The following ADAM22 variants were observed in gnomAD, a reference collection of about 807,000 sequenced individuals.
ADAM22 encodes the protein disintegrin and metalloproteinase domain-containing protein 22.
In ADAM22, 65 loss-of-function variants were observed where a neutral mutation model predicts 144.6. The ratio of observed to expected loss-of-function variants is 0.45; its 90% CI spans 0.37 to 0.55. The LOEUF (loss-of-function observed/expected upper bound fraction) is 0.55, where lower values mean the gene tolerates loss of function less well. ADAM22 is among the 20% of genes least tolerant of loss of function. The pLI is 0.00. For missense variants in ADAM22, 974 were observed against 1,184.9 expected (o/e 0.82, Z 2.61); for synonymous variants, 391 against 412.6 (o/e 0.95, Z 0.63).
intron 4 of ADAM22, among the ~76,000 whole-genome samples, chr7:88,095,718 T>C (rs984828355): frequency 2.4e-4 from 36 of 152,192 alleles, no homozygotes; most frequent in Admixed American, 2.4e-3. Flanking sequence ...TGTTAAAAAT[T>C]GTATAAAATA....
At chr7:88,070,831 T>C (rs1812544571) in intron 3 of ADAM22, among the ~76,000 whole-genome samples, 1 of 152,178 alleles carries the variant, frequency 6.6e-6, no homozygotes, top group Non-Finnish European at 1.5e-5. Context: ...TGAGGTAGTC[T>C]TGTTTTCATT....
At position 88,006,417 on chromosome 7, in the gene ADAM22, C is replaced by T. The variant is rs1436532838; in HGVS notation, c.323+28005C>T. 3.3e-5 allele frequency among the ~76,000 whole-genome samples: 5 copies of T among 152,072 alleles called. No homozygotes were observed. The East Asian group carries it at 7.8e-4, about 24-fold the overall frequency. On this transcript the variant is annotated intron_variant, in intron 3 of 31. Transcript: ENST00000413139. ...CTCATTTTATGAGGCCAGCATCATC[C>T]TGATACCAAAGCTGGGCAGAGACAC...
Position 88,024,576 on chromosome 7 carries a change from G to C in ADAM22, c.323+46164G>C, listed in dbSNP as rs1798556339. Among the ~76,000 whole-genome samples the C allele has an allele frequency of 2.6e-5, 4 of 151,556 alleles. 1 individual carries two copies. In the South Asian group the frequency reaches 8.3e-4, roughly 32 times the overall value. ...TTCTTTTTTTTAAATTATACTTTAA[G>C]TTTTAGGGTACATGTGCACAACGTG... On this transcript the variant is annotated intron_variant, in intron 3 of 31. Coordinates refer to ENST00000413139, the MANE Select transcript of ADAM22 (RefSeq NM_001324418.2).
intron 3 of ADAM22, among the ~76,000 whole-genome samples, chr7:88,011,863 C>T (rs1795511913): frequency 6.6e-6 from 1 of 151,914 alleles, no homozygotes; most frequent in African/African-American, 2.4e-5. Flanking sequence ...GTTCTCTGAG[C>T]TTCCTGGATC....
chr7:87,994,508 G>A (rs1790662347), intron 3 of ADAM22, among the ~76,000 whole-genome samples: 2 of 152,144 alleles, frequency 1.3e-5, no homozygotes, highest in South Asian at 4.1e-4. Flanking sequence ...AGATCTGATA[G>A]CCTTGTTGTC....
At position 87,934,374 on chromosome 7, in the gene ADAM22, G is replaced by A; in HGVS notation, c.-92G>A. ...CGGGGCTGGGTGGAGGTGGCCGCGGGGACCCCGGGGGCGCGGAGCGAGGGA... is the reference window on the plus strand; with the variant it reads ...CGGGGCTGGGTGGAGGTGGCCGCGGAGACCCCGGGGGCGCGGAGCGAGGGA... On this transcript the variant is annotated 5_prime_UTR_variant, in exon 1 of 32. Transcript: ENST00000413139. 2 of 1,309,422 alleles carry A rather than the reference G, an allele frequency of 1.5e-6. No individual in the cohort carries two copies. The highest frequency in any genetic ancestry group is 1.4e-5 in the South Asian group (1 of 73,906). 81.1% of individuals were successfully genotyped at this position (1,309,422 alleles called of 1,614,324 possible).
chr7:88,078,808 AAAG>A (rs1402982029), intron 4 of ADAM22, among the ~76,000 whole-genome samples: 5 of 152,204 alleles, frequency 3.3e-5, no homozygotes, highest in Non-Finnish European at 7.3e-5. Context: ...AAAAGAATAA[AAAG>A]AAATGAGCAA....
chr7:88,082,537 A>C (rs191864998), intron 4 of ADAM22, among the ~76,000 whole-genome samples: 1 of 152,208 alleles, frequency 6.6e-6, no homozygotes, highest in Non-Finnish European at 1.5e-5. Context: ...AACCACCATC[A>C]GAGTGAACAG....
At chr7:88,152,648 C>T (rs543663093) in intron 20 of ADAM22, among the ~76,000 whole-genome samples, 1 of 151,874 alleles carries the variant, frequency 6.6e-6, no homozygotes, top group South Asian at 2.1e-4. Context: ...TTTGTTATTG[C>T]CTTCCCTAAT....
chr7:88,021,163 C>G (rs1209583129), intron 3 of ADAM22, among the ~76,000 whole-genome samples: 1 of 152,214 alleles, frequency 6.6e-6, no homozygotes, highest in South Asian at 2.1e-4. Flanking sequence ...AGGTCAGCCT[C>G]TTGGGGCACA....
In ADAM22 at chr7:88,130,723, C is replaced by T. The variant is rs150377211; in HGVS notation, c.825+264C>T. On this transcript the variant is annotated intron_variant, in intron 10 of 31. Coordinates refer to ENST00000413139, the MANE Select transcript of ADAM22 (RefSeq NM_001324418.2). ...GTAAAAACAAAGGTTGTGTCATACC[C>T]CTAACAAAGGTATTCACAGTGACTT... Among the ~76,000 whole-genome samples the T allele has an allele frequency of 1.2e-3, 190 of 152,186 alleles. 2 individuals are homozygous for T. The highest frequency in any genetic ancestry group is 4.3e-3 in the African/African-American group (180 of 41,526).
At chr7:88,168,971 C>A (rs549965196) in intron 25 of ADAM22, among the ~76,000 whole-genome samples, 6 of 152,100 alleles carry the variant, frequency 3.9e-5, no homozygotes, top group Admixed American at 6.6e-5. Context: ...AGACATTTAC[C>A]CCATGCCTTT....
At chr7:88,024,117 A>G (rs1798450757) in intron 3 of ADAM22, among the ~76,000 whole-genome samples, 1 of 152,114 alleles carries the variant, frequency 6.6e-6, no homozygotes, top group Non-Finnish European at 1.5e-5. Flanking sequence ...GATTGCTTCC[A>G]AATCTTGGCT....
chr7:88,181,987 A>G lies in ADAM22; in HGVS notation c.2626A>G (p.Arg876Gly), dbSNP rs758582494. Residue 876 changes from arginine (R) to glycine (G), a missense_variant, in exon 29 of 32, where the codon AGA becomes GGA. This residue lies in a region of ADAM22 where 734 missense variants were observed against 950.6 expected (regional missense o/e 0.77). Coordinates refer to ENST00000413139, the MANE Select transcript of ADAM22 (RefSeq NM_001324418.2). The part of the protein sequence containing the change: ...GNLGGNKKKI[R>G]GKRFRPRSNS... ...CCTGGGAGGCAACAAAAAGAAAATC[A>G]GAGGCAAAAGATTTAGACCTCGGTC... The G allele has an allele frequency of 1.9e-6, 3 of 1,613,712 alleles. No homozygotes were observed. The highest frequency in any genetic ancestry group is 2.2e-5 in the South Asian group (2 of 91,054).
rs780003899 is a variant in ADAM22 at position 88,131,328 on chromosome 7, T to G, written c.885T>G (p.Thr295=). 3.3e-5 allele frequency: 54 copies of G among 1,613,700 alleles called. No homozygotes were observed. Among genetic ancestry groups the G allele is most frequent in the Non-Finnish European group, 4.2e-5 (50 of 1,179,874 alleles). Residue 295 remains threonine (T), a synonymous_variant, in exon 11 of 32, where the codon ACT becomes ACG. Transcript: ENST00000413139. ...IVLVAMETWA[T]DNKFAISENP... ...TGGTTGCTATGGAAACCTGGGCGAC[T>G]GACAACAAGTTTGCCATATCTGAAA...
At chr7:88,042,101 A>T (rs1349746851) in intron 3 of ADAM22, among the ~76,000 whole-genome samples, 1 of 151,996 alleles carries the variant, frequency 6.6e-6, no homozygotes, top group Non-Finnish European at 1.5e-5. Flanking sequence ...TGTTTGCTGT[A>T]CTGTCTAAAT....
intron 8 of ADAM22, among the ~76,000 whole-genome samples, chr7:88,127,614 G>T (rs536251929): frequency 6.6e-6 from 1 of 151,236 alleles, no homozygotes. Context: ...TTTAAGTTTA[G>T]GATTGCAGTT....
At chr7:88,128,566 G>A in intron 8 of ADAM22, 36 bp from the exon 9 acceptor site, 5 of 1,551,430 alleles carry the variant, frequency 3.2e-6, no homozygotes, top group South Asian at 1.1e-5. Flanking sequence ...AGTTTAGAGG[G>A]CTGAATTAGG....
chr7:88,038,828 G>A (rs1404554133), intron 3 of ADAM22, among the ~76,000 whole-genome samples: 5 of 149,664 alleles, frequency 3.3e-5, no homozygotes, highest in Admixed American at 1.3e-4. Context: ...TTGCCCAGGC[G>A]GGAGCACAGT....
Sources: allele counts gnomAD v4.1 joint callset (sites outside exome capture counted in the v4.1 genomes callset), GRCh38; gene constraint gnomAD v4.1.1; regional missense constraint gnomAD v4.1.1; transcripts MANE v1.5; gene names NCBI Gene and HGNC (gene_info 2026-07-23, HGNC 2026-07-21).